The following BCAS3 variants were observed in gnomAD, a reference collection of about 807,000 sequenced individuals.
The protein encoded by BCAS3 is BCAS4/BCAS3 fusion.
BCAS3 carries 53 observed loss-of-function variants against 116.1 expected under a neutral mutation model. That is an observed-to-expected ratio of 0.46 (90% CI 0.37 to 0.57). The LOEUF (loss-of-function observed/expected upper bound fraction) is 0.57. Among genes scored for constraint, BCAS3 ranks in the 20% least tolerant of loss-of-function variants. The pLI is 0.00. For missense variants in BCAS3, 917 were observed against 1,165.4 expected (o/e 0.79, Z 3.10); for synonymous variants, 391 against 408.2 (o/e 0.96, Z 0.51).
At chr17:61,303,998 T>C (rs2053646486) in intron 22 of BCAS3, among the ~76,000 whole-genome samples, 1 of 152,196 alleles carries the variant, frequency 6.6e-6, no homozygotes, top group African/African-American at 2.4e-5. Context: ...TGAATCCCAG[T>C]CTGTAACACC....
At chr17:60,738,982 G>A (rs143219755) in intron 5 of BCAS3, among the ~76,000 whole-genome samples, 94 of 151,746 alleles carry the variant, frequency 6.2e-4, no homozygotes, top group African/African-American at 2.1e-3. Context: ...TTTAGTTTGA[G>A]CATTTTATAT....
chr17:61,080,708 C>T lies in BCAS3; in HGVS notation c.2327+2179C>T, dbSNP rs528246814. ...ACAGGAGGCGGAGATTTCAGTGAGC[C>T]GAGATCGTGCCACTGCATTCTAGCC... On this transcript the variant is annotated intron_variant, in intron 21 of 23. Transcript: ENST00000407086. 9.9e-5 allele frequency among the ~76,000 whole-genome samples: 15 copies of T among 152,206 alleles called. No homozygotes were observed. The South Asian group carries it at 2.5e-3, about 25-fold the overall frequency.
chr17:61,043,959 C>T (rs111953873), intron 19 of BCAS3, among the ~76,000 whole-genome samples: 4 of 151,922 alleles, frequency 2.6e-5, no homozygotes, highest in African/African-American at 9.7e-5. Context: ...ACATTTATTC[C>T]TTGATTTAAC....
chr17:61,001,124 T>C (rs565977311), intron 15 of BCAS3, among the ~76,000 whole-genome samples: 3 of 152,166 alleles, frequency 2.0e-5, no homozygotes, highest in Admixed American at 6.5e-5. Context: ...GGGGTCATCT[T>C]TGAGTCACAG....
At position 61,302,876 on chromosome 17, in the gene BCAS3, C is replaced by G. The variant is rs1053613561; in HGVS notation, c.2426-65451C>G. Among the ~76,000 whole-genome samples, 1 of 152,172 alleles carries G rather than the reference C, an allele frequency of 6.6e-6. No homozygotes were observed. Among genetic ancestry groups the G allele is most frequent in the African/African-American group, 2.4e-5 (1 of 41,434 alleles). ...TAGGGTCTAGATCACTTTCTAAATT[C>G]CTTTTCCACGAAATACGGGCTTTGA... On this transcript the variant is annotated intron_variant, in intron 22 of 23. Transcript: ENST00000407086. This position sits in a 1 kb window ranked among gnomAD's most constrained non-coding sequence, Gnocchi z 4.4.
chr17:61,025,226 A>G (rs2066153245), intron 16 of BCAS3, among the ~76,000 whole-genome samples: 2 of 152,190 alleles, frequency 1.3e-5, no homozygotes, highest in East Asian at 3.9e-4. Context: ...AGCTCTAGTA[A>G]CATTTTGGTT....
At chr17:61,206,314 G>A (rs772197914) in intron 22 of BCAS3, among the ~76,000 whole-genome samples, 1 of 152,150 alleles carries the variant, frequency 6.6e-6, no homozygotes, top group Non-Finnish European at 1.5e-5. Context: ...TGTCTGCAGT[G>A]TTCTCCAAAT....
intron 6 of BCAS3, among the ~76,000 whole-genome samples, chr17:60,791,938 C>T (rs1395534377): frequency 6.6e-6 from 1 of 151,858 alleles, no homozygotes; most frequent in East Asian, 1.9e-4. Context: ...GCCTGGCCAA[C>T]ACAGTGAAAC....
At chr17:60,826,869 T>C (rs376120988) in intron 7 of BCAS3, among the ~76,000 whole-genome samples, 1 of 152,340 alleles carries the variant, frequency 6.6e-6, no homozygotes, top group African/African-American at 2.4e-5. Context: ...GGCATAATGA[T>C]AACGTGGATG....
chr17:61,257,878 A>G (rs2048911215), intron 22 of BCAS3, among the ~76,000 whole-genome samples: 1 of 152,186 alleles, frequency 6.6e-6, no homozygotes, highest in African/African-American at 2.4e-5. Context: ...CCATAAACAG[A>G]CATTTCCCTT....
intron 22 of BCAS3, among the ~76,000 whole-genome samples, chr17:61,133,859 CAAAAAA>C (rs11449964): frequency 3.1e-4 from 25 of 81,930 alleles, no homozygotes; most frequent in African/African-American, 1.1e-3. Flanking sequence ...CCTGGAATCT[CAAAAAA>C]AAAAAAAAAA....
At chr17:60,880,282 ATTG>A (rs968797340) in intron 9 of BCAS3, among the ~76,000 whole-genome samples, 13 of 135,432 alleles carry the variant, frequency 9.6e-5, no homozygotes, top group East Asian at 4.2e-4. Flanking sequence ...TTTTTTTTTT[ATTG>A]TTGTTGTTGT....
intron 22 of BCAS3, among the ~76,000 whole-genome samples, chr17:61,102,257 TTGAAAAATTA>T (rs1297776724): frequency 6.6e-6 from 1 of 152,152 alleles, no homozygotes; most frequent in African/African-American, 2.4e-5. Context: ...AGGTTTATTC[TTGAAAAATTA>T]TGGAATTAAA....
Position 60,960,796 on chromosome 17 carries a change from A to T in BCAS3, c.1221+13444A>T, listed in dbSNP as rs201610178. Among the ~76,000 whole-genome samples the T allele has an allele frequency of 6.7e-6, 1 of 148,978 alleles. No individual in the cohort carries two copies. Among genetic ancestry groups the T allele is most frequent in the Non-Finnish European group, 1.5e-5 (1 of 67,402 alleles). On this transcript the variant is annotated intron_variant, in intron 14 of 23. Coordinates refer to ENST00000407086, the MANE Select transcript of BCAS3 (RefSeq NM_017679.5). This position sits in a 1 kb window ranked among gnomAD's most constrained non-coding sequence, Gnocchi z 4.1. ...TCTTCTTTTTCTTTTTTTTTTTTTA[A>T]TCATGCCTTTGTGCCTTTCAGTCCA...
In BCAS3 at chr17:61,349,878, A is replaced by G. The variant is rs1037921608; in HGVS notation, c.2426-18449A>G. The stretch of plus-strand genomic sequence containing the variant: ...GGTATTAGCATAGAAGCAGTTCAGA[A>G]GGCCAGTGCCCTTTGTGTGAAATTG... On this transcript the variant is annotated intron_variant, in intron 22 of 23. Transcript: ENST00000407086. The surrounding 1 kb of genome is among the most constrained non-coding windows in gnomAD (Gnocchi z 4.7). Among the ~76,000 whole-genome samples the G allele has an allele frequency of 1.3e-5, 2 of 152,252 alleles. No homozygotes were observed. The highest frequency in any genetic ancestry group is 6.5e-5 in the Admixed American group (1 of 15,286).
intron 6 of BCAS3, among the ~76,000 whole-genome samples, chr17:60,779,215 C>G (rs911955795): frequency 6.6e-6 from 1 of 151,944 alleles, no homozygotes; most frequent in Non-Finnish European, 1.5e-5. Context: ...AAACAAAATT[C>G]AGAACTTTTT....
intron 7 of BCAS3, among the ~76,000 whole-genome samples, chr17:60,845,066 C>T (rs1568367464): frequency 6.6e-6 from 1 of 152,136 alleles, no homozygotes; most frequent in African/African-American, 2.4e-5. Flanking sequence ...CCCTTCTCTA[C>T]TAAAAATACA....
chr17:60,927,419 AT>A (rs1026172617), intron 13 of BCAS3, among the ~76,000 whole-genome samples: 4 of 150,840 alleles, frequency 2.7e-5, no homozygotes, highest in East Asian at 1.9e-4. Flanking sequence ...CGCCCAGCTA[AT>A]TTTTTTTTGT....
chr17:61,282,400 A>G lies in BCAS3; in HGVS notation c.2426-85927A>G, dbSNP rs1223602686. 1.3e-5 allele frequency among the ~76,000 whole-genome samples: 2 copies of G among 152,194 alleles called. No individual in the cohort carries two copies. The highest frequency in any genetic ancestry group is 3.9e-4 in the East Asian group (2 of 5,192). On this transcript the variant is annotated intron_variant, in intron 22 of 23. Coordinates refer to ENST00000407086, the MANE Select transcript of BCAS3 (RefSeq NM_017679.5). This position sits in a 1 kb window ranked among gnomAD's most constrained non-coding sequence, Gnocchi z 5.9. ...GTTCTCCCCAAGTGTCCAAACTAGT[A>G]CCTTTTAAGAGTAGGATGGTTGGAA...
Sources: gnomAD v4.1 joint callset for allele counts (sites outside exome capture counted in the v4.1 genomes callset) on GRCh38, gnomAD v4.1.1 for gene constraint, Gnocchi (gnomAD v3.1) non-coding constraint, MANE v1.5 for transcripts, NCBI Gene and HGNC (gene_info 2026-07-23, HGNC 2026-07-21) for gene names.